Variants in ASXL3 observed in about 807,000 individuals in gnomAD.
ASXL3 encodes putative Polycomb group protein ASXL3.
Under a neutral mutation model 170.6 loss-of-function variants are expected in ASXL3, and 34 were observed. That is an observed-to-expected ratio of 0.20 (90% CI 0.15 to 0.27). The LOEUF is 0.27. ASXL3 is among the 10% of genes least tolerant of loss of function. The pLI, the probability that ASXL3 is intolerant of heterozygous loss-of-function variation, is 1.00. For missense variants in ASXL3, 2,592 were observed against 2,695.3 expected, an observed-to-expected ratio of 0.96 and a Z score of 0.85; for synonymous variants, 1,002 against 989.1, an observed-to-expected ratio of 1.01 and a Z score of -0.24.
At chr18:33,664,548 G>A (rs1423393057) in intron 5 of ASXL3, among the ~76,000 whole-genome samples, 2 of 152,120 alleles carry the variant, frequency 1.3e-5, no homozygotes, top group Non-Finnish European at 2.9e-5. Flanking sequence ...ACATTAACCA[G>A]CGTAGACTCT....
intron 4 of ASXL3, among the ~76,000 whole-genome samples, chr18:33,650,133 A>G (rs909818863): frequency 2.0e-5 from 3 of 152,180 alleles, no homozygotes; most frequent in African/African-American, 4.8e-5. Context: ...GAGAATCATC[A>G]GCATGGATAT....
At chr18:33,627,206 C>G (rs761548904) in intron 2 of ASXL3, 2 of 152,076 alleles carry the variant, frequency 1.3e-5, no homozygotes, top group Non-Finnish European at 2.9e-5. Flanking sequence ...CCAGGCAGTG[C>G]GATTTGAATG....
At chr18:33,620,009 A>C (rs2065484729) in intron 2 of ASXL3, among the ~76,000 whole-genome samples, 1 of 152,144 alleles carries the variant, frequency 6.6e-6, no homozygotes, top group Non-Finnish European at 1.5e-5. Flanking sequence ...ATCCTTTAGG[A>C]AGTGTTCTTA....
At chr18:33,708,792 G>A (rs892023070) in intron 8 of ASXL3, among the ~76,000 whole-genome samples, 17 of 152,040 alleles carry the variant, frequency 1.1e-4, no homozygotes, top group African/African-American at 1.9e-4. Flanking sequence ...CACATCTTTC[G>A]TTTGAATTTA....
intron 5 of ASXL3, among the ~76,000 whole-genome samples, chr18:33,669,652 G>A (rs936975020): frequency 1.3e-5 from 2 of 152,146 alleles, no homozygotes; most frequent in East Asian, 1.9e-4. Context: ...ATACAGTCAA[G>A]GCAGTCTTTC....
Position 33,739,974 on chromosome 18 carries a change from C to T in ASXL3, c.2570C>T (p.Ser857Phe). 2 of 1,613,858 alleles carry T rather than the reference C, an allele frequency of 1.2e-6. No individual in the cohort carries two copies. The highest frequency in any genetic ancestry group is 2.7e-5 in the African/African-American group (2 of 75,024). ...CCTGCTTCAATTCCAGAACTTGCTT[C>T]TACTGAAATGATAAAAGTTAAAAAT... ...PYPASIPELA[S>F]TEMIKVKNHS... The change falls in exon 11 of 12, where the codon TCT becomes TTT. Residue 857 changes from serine (S) to phenylalanine (F), a missense_variant. Physicochemically the swap from Ser to Phe is radical, Grantham distance 155. Around this residue, in one of 4 missense-constraint regions of ASXL3, gnomAD observed 2,246 missense variants for 2,219.6 expected, o/e 1.01. Transcript: ENST00000269197.
chr18:33,724,857 A>C (rs181701683), intron 8 of ASXL3, among the ~76,000 whole-genome samples: 1 of 152,220 alleles, frequency 6.6e-6, no homozygotes. Context: ...TATTTGCAAA[A>C]TTGTCTTTGG....
At chr18:33,602,907 T>C (rs2065199839) in intron 1 of ASXL3, among the ~76,000 whole-genome samples, 1 of 151,414 alleles carries the variant, frequency 6.6e-6, no homozygotes, top group Non-Finnish European at 1.5e-5. Flanking sequence ...ATTGTTGTTA[T>C]AACCCCAAAA....
chr18:33,629,420 T>C (rs1002103545), intron 2 of ASXL3, among the ~76,000 whole-genome samples: 29 of 152,092 alleles, frequency 1.9e-4, no homozygotes, highest in Non-Finnish European at 1.6e-4. Context: ...GTTGTGTTTT[T>C]AGGAAGATTG....
chr18:33,638,855 T>C (rs1468206718), intron 2 of ASXL3, among the ~76,000 whole-genome samples: 2 of 152,128 alleles, frequency 1.3e-5, no homozygotes, highest in Non-Finnish European at 2.9e-5. Context: ...TAGTAATAGA[T>C]GTGTTGCCAT....
chr18:33,690,382 C>A (rs2066668788), intron 8 of ASXL3: 1 of 152,078 alleles, frequency 6.6e-6, no homozygotes, highest in Non-Finnish European at 1.5e-5. Context: ...CAGAAAACTA[C>A]ACTTATGTAT....
chr18:33,739,927 T>C lies in ASXL3; in HGVS notation c.2523T>C (p.His841=), dbSNP rs1337292926. Reference sequence around the variant, plus strand: ...TGAGTCAGCAAACCTGTAAATCACATGTTGACACTGAGAAGCCCTACCCTG... The same window carrying C: ...TGAGTCAGCAAACCTGTAAATCACACGTTGACACTGAGAAGCCCTACCCTG... ...KTLSQQTCKS[H]VDTEKPYPAS... Residue 841 remains histidine, a synonymous_variant, in exon 11 of 12, where the codon CAT becomes CAC. Coordinates refer to ENST00000269197, the MANE Select transcript of ASXL3 (RefSeq NM_030632.3). 4.3e-6 allele frequency: 7 copies of C among 1,613,860 alleles called. No homozygotes were observed. In the Admixed American group the frequency reaches 1.2e-4, roughly 27 times the overall value.
At chr18:33,582,173 A>G (rs1384783971) in intron 1 of ASXL3, among the ~76,000 whole-genome samples, 2 of 152,250 alleles carry the variant, frequency 1.3e-5, no homozygotes, top group African/African-American at 4.8e-5. Context: ...GTAGACCACA[A>G]TAAGAATAAA....
intron 2 of ASXL3, among the ~76,000 whole-genome samples, chr18:33,634,036 A>C (rs1283163683): frequency 6.6e-6 from 1 of 152,148 alleles, no homozygotes; most frequent in African/African-American, 2.4e-5. Context: ...GGAAGAAATC[A>C]TGGTTGACAT....
chr18:33,609,911 A>G (rs1302169300), intron 2 of ASXL3, among the ~76,000 whole-genome samples: 2 of 152,088 alleles, frequency 1.3e-5, no homozygotes, highest in Admixed American at 6.6e-5. Context: ...TTTTCATTCT[A>G]TTCCTTTAAA....
At position 33,646,883 on chromosome 18, in the gene ASXL3, G is replaced by C. The variant is rs920402564; in HGVS notation, c.355+530G>C. ...CTTCCAGAATTTTAAGGGGGAGCGG[G>C]GGGGGGGGGCATTTTTCACCTCTGA... On this transcript the variant is annotated intron_variant, in intron 4 of 11. Transcript: ENST00000269197. Among the ~76,000 whole-genome samples, 7 of 143,920 alleles carry C rather than the reference G, an allele frequency of 4.9e-5. 1 individual carries two copies. Among genetic ancestry groups the C allele is most frequent in the South Asian group, 2.3e-4 (1 of 4,366 alleles). 94.4% of individuals were successfully genotyped at this position (143,920 alleles called of 152,430 possible).
At chr18:33,645,459 C>T (rs975972409) in intron 3 of ASXL3, among the ~76,000 whole-genome samples, 4 of 151,686 alleles carry the variant, frequency 2.6e-5, no homozygotes, top group Non-Finnish European at 5.9e-5. Flanking sequence ...TAAAACAAAT[C>T]GTGATCTCAA....
At chr18:33,695,123 T>A (rs188364600) in intron 8 of ASXL3, among the ~76,000 whole-genome samples, 2 of 152,276 alleles carry the variant, frequency 1.3e-5, no homozygotes, top group East Asian at 3.9e-4. Flanking sequence ...ATACTGTTAT[T>A]TTATTCTACA....
At position 33,749,407 on chromosome 18, in the gene ASXL3, A is replaced by G. The variant is rs1008324137; in HGVS notation, c.*2812A>G. 20 of 151,804 alleles carry G rather than the reference A, an allele frequency of 1.3e-4. No individual in the cohort carries two copies. Among genetic ancestry groups the G allele is most frequent in the African/African-American group, 4.1e-4 (17 of 41,348 alleles). The allele number at this position is 151,804 out of a possible 1,614,324, so 9.4% of individuals were successfully genotyped here. A position where few individuals can be genotyped will look rare whatever the true frequency, so the allele number is the denominator to read the frequency against. ...GATTACTGGACACAGTTTTATTCTT[A>G]TCAGGAATAGAACTTGCACATGTAC... On this transcript the variant is annotated 3_prime_UTR_variant, in exon 12 of 12. Coordinates refer to ENST00000269197, the MANE Select transcript of ASXL3 (RefSeq NM_030632.3).
Sources: gnomAD v4.1 joint callset for allele counts (sites outside exome capture counted in the v4.1 genomes callset) on GRCh38, gnomAD v4.1.1 for gene constraint, gnomAD v4.1.1 regional missense constraint, MANE v1.5 for transcripts, NCBI Gene and HGNC (gene_info 2026-07-23, HGNC 2026-07-21) for gene names.